The following P2RY2 variants were observed in gnomAD, a reference collection of about 807,000 sequenced individuals.
P2RY2 encodes the protein P2Y purinoceptor 2.
For synonymous variants in P2RY2, 241 were observed against 231.9 expected (o/e 1.04, Z -0.35); for missense variants, 567 against 515.7 (o/e 1.10, Z -0.96).
rs368264320 is a variant in P2RY2, at chr11:73,238,341, G to T, written c.*3048G>T. On this transcript the variant is annotated 3_prime_UTR_variant, in exon 3 of 3. Transcript: ENST00000393597. ...TCTCAATGAACTGCATGACATCAGG[G>T]CAGGGTCCCTGGCACACAGGGGTCT... 6.6e-6 allele frequency among the ~76,000 whole-genome samples: 1 copy of T among 152,306 alleles called. No individual in the cohort carries two copies.
At chr11:73,227,707 A>G (rs1862319168) in intron 1 of P2RY2, among the ~76,000 whole-genome samples, 1 of 152,190 alleles carries the variant, frequency 6.6e-6, no homozygotes, top group African/African-American at 2.4e-5. Context: ...GGCTTGGCTC[A>G]GCTGTACAGG....
intron 2 of P2RY2, among the ~76,000 whole-genome samples, chr11:73,229,610 C>T (rs977841706): frequency 9.2e-5 from 14 of 152,110 alleles, no homozygotes; most frequent in Admixed American, 7.8e-4. Context: ...CCCAGGGCCA[C>T]GGCGATGGAG....
intron 1 of P2RY2, among the ~76,000 whole-genome samples, chr11:73,225,841 G>A (rs570873265): frequency 1.5e-4 from 23 of 152,364 alleles, no homozygotes; most frequent in African/African-American, 4.6e-4. Flanking sequence ...TGAGGGCAGG[G>A]ACAGAGAGGA....
At chr11:73,223,935 G>T (rs1462973048) in intron 1 of P2RY2, among the ~76,000 whole-genome samples, 1 of 152,146 alleles carries the variant, frequency 6.6e-6, no homozygotes, top group African/African-American at 2.4e-5. Flanking sequence ...TGTAAGCCTG[G>T]TTGATCTGAG....
chr11:73,229,182 G>T (rs1276182028), intron 2 of P2RY2, among the ~76,000 whole-genome samples: 6 of 152,192 alleles, frequency 3.9e-5, no homozygotes, highest in Admixed American at 3.3e-4. Context: ...GTCCTGAGGG[G>T]TGATGGAAGG....
In P2RY2 at chr11:73,237,982, C is replaced by T. The variant is rs1439161168; in HGVS notation, c.*2689C>T. Among the ~76,000 whole-genome samples, 2 of 152,366 alleles carry T rather than the reference C, an allele frequency of 1.3e-5. No homozygotes were observed. Among genetic ancestry groups the T allele is most frequent in the East Asian group, 1.9e-4 (1 of 5,192 alleles). On this transcript the variant is annotated 3_prime_UTR_variant, in exon 3 of 3. Coordinates refer to ENST00000393597, the MANE Select transcript of P2RY2 (RefSeq NM_002564.4). ...CCCTAACCTGACATCACTTCCTGGGCTGTTGACTCATGAAGGCCACTGTGA... is the reference window on the plus strand; with the variant it reads ...CCCTAACCTGACATCACTTCCTGGGTTGTTGACTCATGAAGGCCACTGTGA...
intron 2 of P2RY2, among the ~76,000 whole-genome samples, chr11:73,232,004 C>G (rs1490012901): frequency 6.6e-6 from 1 of 152,132 alleles, no homozygotes; most frequent in Non-Finnish European, 1.5e-5. Context: ...GAGCCGAGAT[C>G]AGGCCATTGT....
chr11:73,234,790 T>G lies in P2RY2; in HGVS notation c.631T>G (p.Phe211Val). Residue 211 changes from phenylalanine to valine, a missense_variant, in exon 3 of 3, where the codon TTT (phenylalanine) becomes GTT (valine). Coordinates refer to ENST00000393597, the MANE Select transcript of P2RY2 (RefSeq NM_002564.4). ...VMLGLLFAVPFAVILVCYVLM... is the reference protein window; with the variant it reads ...VMLGLLFAVPVAVILVCYVLM... ...GCTGGGCCTGCTCTTCGCGGTGCCCTTTGCCGTCATCCTTGTCTGTTACGT... is the reference window on the plus strand; with the variant it reads ...GCTGGGCCTGCTCTTCGCGGTGCCCGTTGCCGTCATCCTTGTCTGTTACGT... The G allele has an allele frequency of 6.2e-7, 1 of 1,611,878 alleles. No individual in the cohort carries two copies. Among genetic ancestry groups the G allele is most frequent in the Non-Finnish European group, 8.5e-7 (1 of 1,179,932 alleles).
chr11:73,232,704 C>T (rs562326770), intron 2 of P2RY2, among the ~76,000 whole-genome samples: 61 of 152,250 alleles, frequency 4.0e-4, no homozygotes, highest in Non-Finnish European at 6.8e-4. Flanking sequence ...CCACCGCGCC[C>T]GGCCTAAGTG....
At chr11:73,229,381 G>A (rs551408311) in intron 2 of P2RY2, among the ~76,000 whole-genome samples, 3 of 152,264 alleles carry the variant, frequency 2.0e-5, no homozygotes, top group African/African-American at 7.2e-5. Context: ...AGACCAGGGC[G>A]CAGCGGGGCT....
intron 1 of P2RY2, among the ~76,000 whole-genome samples, chr11:73,222,719 T>C (rs1862155732): frequency 6.6e-6 from 1 of 152,112 alleles, no homozygotes; most frequent in Admixed American, 6.5e-5. Context: ...CTCCTAATCA[T>C]CTACCAGTTT....
Position 73,237,915 on chromosome 11 carries a change from A to G in P2RY2, c.*2622A>G, listed in dbSNP as rs536935834. On this transcript the variant is annotated 3_prime_UTR_variant, in exon 3 of 3. Coordinates refer to ENST00000393597, the MANE Select transcript of P2RY2 (RefSeq NM_002564.4). ...GAGGGGATCTGCCTGCCCTCAAAATATCTCCTATTACCCTCCAATATTCCC... is the reference window on the plus strand; with the variant it reads ...GAGGGGATCTGCCTGCCCTCAAAATGTCTCCTATTACCCTCCAATATTCCC... 4.6e-5 allele frequency among the ~76,000 whole-genome samples: 7 copies of G among 152,150 alleles called. No homozygotes were observed. The highest frequency in any genetic ancestry group is 1.0e-4 in the Non-Finnish European group (7 of 68,026).
rs781122178 is a variant in P2RY2, at chr11:73,235,445, C to T, written c.*152C>T. On this transcript the variant is annotated 3_prime_UTR_variant, in exon 3 of 3. Coordinates refer to ENST00000393597, the MANE Select transcript of P2RY2 (RefSeq NM_002564.4). The stretch of plus-strand genomic sequence containing the variant: ...TCATTTGACAGGGGCTCAGGATATT[C>T]ACTCTGTGGTCCAGAGTCAACTGTT... 217 of 1,417,352 alleles carry T rather than the reference C, an allele frequency of 1.5e-4. No individual in the cohort carries two copies. Among genetic ancestry groups the T allele is most frequent in the Non-Finnish European group, 1.9e-4 (211 of 1,084,744 alleles). 87.8% of individuals were successfully genotyped at this position (1,417,352 alleles called of 1,614,324 possible). A position where few individuals can be genotyped will look rare whatever the true frequency, so the allele number is the denominator to read the frequency against.
intron 2 of P2RY2, 130 bp from the exon 3 acceptor site, chr11:73,234,026 C>T (rs1047475860): frequency 9.1e-7 from 1 of 1,097,254 alleles, no homozygotes; most frequent in African/African-American, 1.6e-5. Flanking sequence ...CTCAAGGTTC[C>T]AGAGCTTGGA....
intron 1 of P2RY2, among the ~76,000 whole-genome samples, chr11:73,227,372 G>A (rs549436098): frequency 5.3e-5 from 8 of 151,998 alleles, no homozygotes; most frequent in South Asian, 4.2e-4. Flanking sequence ...GTGTGCATCC[G>A]TTTGCGTCCA....
At chr11:73,221,610 T>C (rs1312752974) in intron 1 of P2RY2, among the ~76,000 whole-genome samples, 1 of 152,176 alleles carries the variant, frequency 6.6e-6, no homozygotes, top group African/African-American at 2.4e-5. Context: ...TTGCCCCTCA[T>C]GCCTTCCACC....
At chr11:73,225,579 G>C (rs1342263167) in intron 1 of P2RY2, among the ~76,000 whole-genome samples, 5 of 152,232 alleles carry the variant, frequency 3.3e-5, no homozygotes, top group Non-Finnish European at 5.9e-5. Context: ...TCCTGGGAGA[G>C]GGCCGGGGCC....
chr11:73,222,805 C>T (rs1468900855), intron 1 of P2RY2, among the ~76,000 whole-genome samples: 1 of 152,180 alleles, frequency 6.6e-6, no homozygotes, highest in Non-Finnish European at 1.5e-5. Context: ...TTGCTGTGTG[C>T]TCCATAACCC....
intron 1 of P2RY2, among the ~76,000 whole-genome samples, chr11:73,226,961 G>A (rs1357715212): frequency 6.6e-6 from 1 of 152,042 alleles, no homozygotes. Flanking sequence ...TTAAGTTCTG[G>A]GTTACATGTT....
Sources: allele counts gnomAD v4.1 joint callset (sites outside exome capture counted in the v4.1 genomes callset), GRCh38; gene constraint gnomAD v4.1.1; transcripts MANE v1.5; gene names NCBI Gene and HGNC (gene_info 2026-07-23, HGNC 2026-07-21).